The following C8orf34 variants were observed in gnomAD, a reference collection of about 807,000 sequenced individuals.
The protein encoded by C8orf34 is chromosome 8 open reading frame 34.
Under a neutral mutation model 68.3 loss-of-function variants are expected in C8orf34, and 65 were observed. That is an observed-to-expected ratio of 0.95 (90% CI 0.78 to 1.17). The LOEUF (loss-of-function observed/expected upper bound fraction) is 1.17, where lower values mean the gene tolerates loss of function less well. Ranked by LOEUF, C8orf34 falls within the 50% of genes most tolerant of loss-of-function variation. The pLI is 0.00. For synonymous variants in C8orf34, 244 were observed against 241.2 expected, an observed-to-expected ratio of 1.01 and a Z score of -0.11; for missense variants, 664 against 655.4, an observed-to-expected ratio of 1.01 and a Z score of -0.14.
At chr8:68,748,270 A>C (rs1393203786) in intron 10 of C8orf34, among the ~76,000 whole-genome samples, 4 of 142,466 alleles carry the variant, frequency 2.8e-5, no homozygotes, top group Non-Finnish European at 3.0e-5. Flanking sequence ...TTAGACCTAA[A>C]ACCATAAAAA....
intron 10 of C8orf34, among the ~76,000 whole-genome samples, chr8:68,740,261 A>T (rs1030730093): frequency 4.6e-5 from 7 of 152,202 alleles, no homozygotes; most frequent in Non-Finnish European, 8.8e-5. Flanking sequence ...AATGGGATCT[A>T]ATTAAAGTAA....
intron 9 of C8orf34, among the ~76,000 whole-genome samples, chr8:68,711,821 A>C (rs1821336491): frequency 6.6e-6 from 1 of 152,162 alleles, no homozygotes; most frequent in African/African-American, 2.4e-5. Flanking sequence ...CTCCGAATAC[A>C]AGAAGCTCAA....
At chr8:68,572,373 C>T (rs1435176583) in intron 7 of C8orf34, among the ~76,000 whole-genome samples, 5 of 151,968 alleles carry the variant, frequency 3.3e-5, no homozygotes, top group African/African-American at 1.2e-4. Flanking sequence ...ATTAACACTA[C>T]ATACTACCTA....
At position 68,597,117 on chromosome 8, in the gene C8orf34, C is replaced by T. The variant is rs141924211; in HGVS notation, c.1106-43259C>T. On this transcript the variant is annotated intron_variant, in intron 7 of 13. Coordinates refer to ENST00000518698, the MANE Select transcript of C8orf34 (RefSeq NM_052958.4). ...CTGGGAAACATTTGCATGTTCAAAG[C>T]CACACTTCACATGGTGGTGGGAAGT... Among the ~76,000 whole-genome samples the T allele has an allele frequency of 3.7e-3, 557 of 152,104 alleles. 7 individuals are homozygous for T. Among genetic ancestry groups the T allele is most frequent in the African/African-American group, 0.013 (534 of 41,506 alleles).
intron 8 of C8orf34, among the ~76,000 whole-genome samples, chr8:68,661,292 A>G (rs1034069288): frequency 6.6e-6 from 1 of 152,182 alleles, no homozygotes; most frequent in Non-Finnish European, 1.5e-5. Flanking sequence ...TTTTCAGAAA[A>G]AGTCTGAGAG....
chr8:68,545,444 A>T (rs1446159609), intron 7 of C8orf34, among the ~76,000 whole-genome samples: 1 of 152,162 alleles, frequency 6.6e-6, no homozygotes, highest in Non-Finnish European at 1.5e-5. Flanking sequence ...TACATATTAT[A>T]GTCAAACTGC....
chr8:68,564,239 A>G (rs1165514881), intron 7 of C8orf34, among the ~76,000 whole-genome samples: 1 of 152,192 alleles, frequency 6.6e-6, no homozygotes, highest in African/African-American at 2.4e-5. Context: ...GGCATTTGCA[A>G]ACAACATATT....
chr8:68,573,208 A>T (rs1415780148), intron 7 of C8orf34, among the ~76,000 whole-genome samples: 2 of 152,132 alleles, frequency 1.3e-5, no homozygotes, highest in Non-Finnish European at 2.9e-5. Flanking sequence ...TGAACAGAGT[A>T]TACTGCTCCC....
intron 7 of C8orf34, among the ~76,000 whole-genome samples, chr8:68,559,036 T>C (rs949152065): frequency 2.0e-5 from 3 of 152,198 alleles, no homozygotes; most frequent in Non-Finnish European, 4.4e-5. Flanking sequence ...GTGGGTTTTC[T>C]TGTGAGATGA....
chr8:68,439,426 A>C lies in C8orf34; in HGVS notation c.328-73A>C, dbSNP rs533294481. 8 of 1,429,246 alleles carry C rather than the reference A, an allele frequency of 5.6e-6. No homozygotes were observed. In the South Asian group the frequency reaches 1.0e-4, roughly 18 times the overall value. The allele number at this position is 1,429,246 out of a possible 1,614,324, so 88.5% of individuals were successfully genotyped here. A position where few individuals can be genotyped will look rare whatever the true frequency, so the allele number is the denominator to read the frequency against. On this transcript the variant is annotated intron_variant, in intron 1 of 13. Coordinates refer to ENST00000518698, the MANE Select transcript of C8orf34 (RefSeq NM_052958.4). Reference sequence around the variant, plus strand: ...TTAGACCAGTACCTGACAATATTACATGCTAAGTAAGTGCTTGCTATTACT... The same window carrying C: ...TTAGACCAGTACCTGACAATATTACCTGCTAAGTAAGTGCTTGCTATTACT...
chr8:68,736,396 C>T (rs533437476), intron 10 of C8orf34, among the ~76,000 whole-genome samples: 97 of 152,106 alleles, frequency 6.4e-4, no homozygotes, highest in Middle Eastern at 3.4e-3. Flanking sequence ...GAGAATGGTA[C>T]CCCCAATCAT....
rs868402675 is a variant in C8orf34, at chr8:68,393,604, A to T, written c.328-45895A>T. On this transcript the variant is annotated intron_variant, in intron 1 of 13. Coordinates refer to ENST00000518698, the MANE Select transcript of C8orf34 (RefSeq NM_052958.4). Reference sequence around the variant, plus strand: ...TGACACCATGGCAAAAAAATAGAGAAAGAGGAGGCTTTAGAAGAAGATTTA... The same window carrying T: ...TGACACCATGGCAAAAAAATAGAGATAGAGGAGGCTTTAGAAGAAGATTTA... Among the ~76,000 whole-genome samples the T allele has an allele frequency of 8.5e-3, 1,289 of 152,242 alleles. 15 individuals carry two copies. The highest frequency in any genetic ancestry group is 0.029 in the African/African-American group (1,190 of 41,546).
At chr8:68,810,598 G>T (rs1472263321) in intron 12 of C8orf34, among the ~76,000 whole-genome samples, 1 of 152,172 alleles carries the variant, frequency 6.6e-6, no homozygotes, top group African/African-American at 2.4e-5. Context: ...GCTGTTTGGG[G>T]GGTTGCAAGT....
chr8:68,631,255 C>G (rs1407312698), intron 7 of C8orf34, among the ~76,000 whole-genome samples: 1 of 151,544 alleles, frequency 6.6e-6, no homozygotes, highest in Admixed American at 6.6e-5. Flanking sequence ...GAGCAAGACT[C>G]TATCTCAAAA....
At chr8:68,409,039 G>A (rs1324568685) in intron 1 of C8orf34, among the ~76,000 whole-genome samples, 6 of 151,950 alleles carry the variant, frequency 3.9e-5, no homozygotes, top group Non-Finnish European at 8.8e-5. Flanking sequence ...CACCCGCCTT[G>A]GCCTCCCAAA....
chr8:68,533,035 A>G lies in C8orf34; in HGVS notation c.991A>G (p.Lys331Glu). The G allele has an allele frequency of 4.3e-6, 7 of 1,610,872 alleles. No homozygotes were observed. Among genetic ancestry groups the G allele is most frequent in the Non-Finnish European group, 5.9e-6 (7 of 1,177,312 alleles). The part of the protein sequence containing the change: ...KGLKQQQQQH[K>E]KLLAAMLSQD... ...ATTAAAACAGCAGCAACAGCAACAT[A>G]AGAAACTCCTGGCCGCAATGCTCTC... Residue 331 changes from lysine to glutamate, a missense_variant, in exon 7 of 14, where the codon AAG (lysine) becomes GAG (glutamate). By Grantham distance (56) the Lys-to-Glu change is moderately conservative (BLOSUM62 1). Coordinates refer to ENST00000518698, the MANE Select transcript of C8orf34 (RefSeq NM_052958.4).
At chr8:68,406,073 T>A (rs2048891) in intron 1 of C8orf34, among the ~76,000 whole-genome samples, 97,333 of 152,010 alleles carry the variant, frequency 0.64, 31,248 homozygotes, top group African/African-American at 0.69. Flanking sequence ...TGTCAGGAGG[T>A]GGGTTGTGTG....
chr8:68,426,207 A>T (rs566927648), intron 1 of C8orf34, among the ~76,000 whole-genome samples: 1 of 150,500 alleles, frequency 6.6e-6, no homozygotes, highest in East Asian at 1.9e-4. Context: ...CTTCAGCTTT[A>T]TGAAAAATCC....
chr8:68,698,043 T>A (rs1319837714), intron 8 of C8orf34, among the ~76,000 whole-genome samples: 1 of 152,030 alleles, frequency 6.6e-6, no homozygotes, highest in Non-Finnish European at 1.5e-5. Context: ...GTTCCTTTAT[T>A]TACTCTTCAA....
Sources: gnomAD v4.1 joint callset for allele counts (sites outside exome capture counted in the v4.1 genomes callset) on GRCh38, gnomAD v4.1.1 for gene constraint, MANE v1.5 for transcripts, NCBI Gene and HGNC (gene_info 2026-07-23, HGNC 2026-07-21) for gene names.